Variants in PECR observed in about 807,000 individuals in gnomAD.
PECR encodes peroxisomal trans-2-enoyl-CoA reductase.
Under a neutral mutation model 35.3 loss-of-function variants are expected in PECR, and 30 were observed. The observed-to-expected ratio is 0.85, with a 90% CI of 0.64 to 1.15. The LOEUF (loss-of-function observed/expected upper bound fraction) is 1.15, where lower values mean the gene tolerates loss of function less well. PECR is among the 50% of genes most tolerant of loss of function. The probability of loss-of-function intolerance (pLI) is 0.00; values close to 1 mark genes in which losing one functional copy is unlikely to be tolerated. For missense variants in PECR, 392 were observed against 370.8 expected (o/e 1.06, Z -0.47); for synonymous variants, 148 against 138.9 (o/e 1.07, Z -0.46).
chr2:216,046,422 T>C (rs1359745484), intron 6 of PECR, among the ~76,000 whole-genome samples: 1 of 150,992 alleles, frequency 6.6e-6, no homozygotes, highest in Non-Finnish European at 1.5e-5. Context: ...GCAATTGTCC[T>C]GCTTCAGCCT....
chr2:216,049,121 T>G, intron 6 of PECR, 142 bp downstream of exon 6: 1 of 724,186 alleles, frequency 1.4e-6, no homozygotes, highest in Non-Finnish European at 2.6e-6. Context: ...AGAATATCCC[T>G]GACAGCCAGA....
intron 3 of PECR, among the ~76,000 whole-genome samples, chr2:216,061,893 AAG>A (rs1695361285): frequency 6.6e-6 from 1 of 152,146 alleles, no homozygotes; most frequent in Non-Finnish European, 1.5e-5. Flanking sequence ...GTTTATATTT[AAG>A]AGATATATAA....
In PECR at chr2:216,066,423, C is replaced by T; in HGVS notation, c.220G>A (p.Val74Ile). The T allele has an allele frequency of 6.2e-7, 1 of 1,613,546 alleles. No homozygotes were observed. Among genetic ancestry groups the T allele is most frequent in the Non-Finnish European group, 8.5e-7 (1 of 1,179,438 alleles). Residue 74 changes from valine (V) to isoleucine (I), a missense_variant, in exon 2 of 8, where the codon GTC (valine) becomes ATC (isoleucine). Transcript: ENST00000265322. ...CGGATGTTGCATTGTATGGGAATGA[C>T]TCGTGCCTGCTTTGTGGGAGGTAGG... ...ANLPPTKQAR[V>I]IPIQCNIRNE...
At position 216,051,448 on chromosome 2, in the gene PECR, CA is replaced by C. The variant is rs1377109112; in HGVS notation, c.603del (p.Gly202GlufsTer92). 7 of 1,578,362 alleles carry C rather than the reference CA, an allele frequency of 4.4e-6. No individual in the cohort carries two copies. The highest frequency in any genetic ancestry group is 1.7e-4 in the Middle Eastern group (1 of 5,984). ...AATTTCAATATAGATCGTTTACCTA[CA>C]GGGGCAACACAATTGATCCGTATTC... ...CSGIRINCVA[P>X]GVIYSQTAVE... On this transcript the variant is annotated frameshift_variant and splice_region_variant, in exon 5 of 8. Coordinates refer to ENST00000265322, the MANE Select transcript of PECR (RefSeq NM_018441.6). LOFTEE classifies it high-confidence loss of function.
intron 1 of PECR, among the ~76,000 whole-genome samples, chr2:216,072,410 G>A (rs1025861010): frequency 4.6e-5 from 7 of 152,178 alleles, no homozygotes; most frequent in Non-Finnish European, 7.4e-5. Context: ...TATCTTTATA[G>A]ATGTAGGGGG....
intron 3 of PECR, among the ~76,000 whole-genome samples, chr2:216,061,234 C>T (rs1416639724): frequency 7.2e-6 from 1 of 138,084 alleles, no homozygotes. Flanking sequence ...ATCGATTGAG[C>T]CCAGGGGGTG....
chr2:216,051,988 A>C lies in PECR; in HGVS notation c.507-443T>G, dbSNP rs537205673. On this transcript the variant is annotated intron_variant, in intron 4 of 7. Transcript: ENST00000265322. ...GATCACCTGAGGTCAAGAGTTCAAG[A>C]CCAGCCTGGCCAACATGGTGAAACC... Among the ~76,000 whole-genome samples, 8 of 152,296 alleles carry C rather than the reference A, an allele frequency of 5.3e-5. No homozygotes were observed. The South Asian group carries it at 1.5e-3, about 28-fold the overall frequency.
In PECR at chr2:216,081,117, G is replaced by A. The variant is rs1018126361; in HGVS notation, c.124+501C>T. On this transcript the variant is annotated intron_variant, in intron 1 of 7. Coordinates refer to ENST00000265322, the MANE Select transcript of PECR (RefSeq NM_018441.6). ...GGTAGATTGATTTATGTTCTCCTTTGTGGTTTATTCCCTCACTTATGTGTT... is the reference window on the plus strand; with the variant it reads ...GGTAGATTGATTTATGTTCTCCTTTATGGTTTATTCCCTCACTTATGTGTT... Among the ~76,000 whole-genome samples the A allele has an allele frequency of 1.7e-4, 26 of 152,066 alleles. 1 individual carries two copies. The highest frequency in any genetic ancestry group is 6.3e-4 in the African/African-American group (26 of 41,386).
chr2:216,041,729 TG>T (rs1254191052), intron 7 of PECR, among the ~76,000 whole-genome samples: 1 of 152,070 alleles, frequency 6.6e-6, no homozygotes, highest in African/African-American at 2.4e-5. Context: ...CCACAACCTC[TG>T]GGGAGGTAAG....
At chr2:216,077,391 C>T (rs1315660640) in intron 1 of PECR, among the ~76,000 whole-genome samples, 1 of 151,788 alleles carries the variant, frequency 6.6e-6, no homozygotes, top group South Asian at 2.1e-4. Flanking sequence ...CCTGTAGTCC[C>T]AGCTACTAGG....
chr2:216,059,417 G>C (rs1330624813), intron 3 of PECR, among the ~76,000 whole-genome samples: 1 of 152,190 alleles, frequency 6.6e-6, no homozygotes, highest in East Asian at 1.9e-4. Context: ...ACGTTGTAAT[G>C]TGTTAATAGT....
intron 6 of PECR, among the ~76,000 whole-genome samples, chr2:216,045,035 G>T (rs1002819846): frequency 6.6e-6 from 1 of 152,180 alleles, no homozygotes; most frequent in Non-Finnish European, 1.5e-5. Flanking sequence ...CAGGACTAGG[G>T]TGAGGCAAAT....
downstream of PECR, among the ~76,000 whole-genome samples, chr2:216,037,052 G>A (rs192327364): frequency 2.0e-5 from 3 of 151,626 alleles, 1 homozygote; most frequent in African/African-American, 7.3e-5. Context: ...AGATACATGT[G>A]TATTTTTTCA....
chr2:216,060,782 G>C (rs745716775), intron 3 of PECR, among the ~76,000 whole-genome samples: 16 of 152,120 alleles, frequency 1.1e-4, no homozygotes, highest in Non-Finnish European at 1.9e-4. Flanking sequence ...AGCCAGATTA[G>C]CTGGTCAACT....
At chr2:216,067,683 A>G (rs1341566680) in intron 1 of PECR, among the ~76,000 whole-genome samples, 6 of 151,836 alleles carry the variant, frequency 4.0e-5, no homozygotes, top group Non-Finnish European at 7.4e-5. Context: ...CAGCCCCCCA[A>G]GTAGCTGCGA....
At chr2:216,046,308 A>AT (rs1413493863) in intron 6 of PECR, among the ~76,000 whole-genome samples, 100 of 112,098 alleles carry the variant, frequency 8.9e-4, no homozygotes, top group African/African-American at 1.2e-3. Context: ...ATATATATAT[A>AT]TATTTTTTTT....
At chr2:216,069,890 C>T (rs1170047801) in intron 1 of PECR, among the ~76,000 whole-genome samples, 2 of 148,404 alleles carry the variant, frequency 1.3e-5, no homozygotes, top group Non-Finnish European at 3.0e-5. Flanking sequence ...GAGCTGAGAT[C>T]GTGCCATTGC....
intron 4 of PECR, among the ~76,000 whole-genome samples, chr2:216,054,411 C>T (rs1421561349): frequency 7.6e-6 from 1 of 131,258 alleles, no homozygotes; most frequent in African/African-American, 2.9e-5. Flanking sequence ...CAGAGTCTCA[C>T]TCCAACCTCT....
At chr2:216,065,072 GATC>G (rs765253839) in intron 3 of PECR, 5 of 541,070 alleles carry the variant, frequency 9.2e-6, no homozygotes, top group South Asian at 4.1e-5. Flanking sequence ...TCTATGTACA[GATC>G]ATTAATAATT....
Sources: allele counts gnomAD v4.1 joint callset (sites outside exome capture counted in the v4.1 genomes callset), GRCh38; gene constraint gnomAD v4.1.1; transcripts MANE v1.5; gene names NCBI Gene and HGNC (gene_info 2026-07-23, HGNC 2026-07-21).